Variants in HOMER2 observed in about 807,000 individuals in gnomAD.
The protein encoded by HOMER2 is homer scaffold protein 2, also known as homer protein homolog 2.
Under a neutral mutation model 47.0 loss-of-function variants are expected in HOMER2, and 27 were observed. The observed-to-expected ratio is 0.57, with a 90% confidence interval of 0.42 to 0.79. HOMER2 has a LOEUF of 0.79. Ranked by LOEUF, HOMER2 falls within the 30% of genes least tolerant of loss-of-function variation. The pLI is 0.00. For synonymous variants in HOMER2, 161 were observed against 163.8 expected, an observed-to-expected ratio of 0.98 and a Z score of 0.13; for missense variants, 443 against 435.0, an observed-to-expected ratio of 1.02 and a Z score of -0.16.
chr15:82,898,355 A>G (rs1254245224), intron 1 of HOMER2: 1 of 152,046 alleles, frequency 6.6e-6, no homozygotes, highest in Admixed American at 6.5e-5. Context: ...CAGCAGGGAA[A>G]AGCTGAAGAG....
At chr15:82,917,043 G>A (rs902295583) in intron 1 of HOMER2, among the ~76,000 whole-genome samples, 1 of 151,966 alleles carries the variant, frequency 6.6e-6, no homozygotes, top group South Asian at 2.1e-4. Context: ...CTTGTGATTC[G>A]CCTGCCTCGG....
At chr15:82,880,253 C>T (rs924936534) in intron 2 of HOMER2, among the ~76,000 whole-genome samples, 1 of 152,174 alleles carries the variant, frequency 6.6e-6, no homozygotes, top group Non-Finnish European at 1.5e-5. Flanking sequence ...AGAGACTGTA[C>T]AACCTGAATA....
chr15:82,851,006 G>A (rs1023419659), intron 8 of HOMER2, 145 bp downstream of exon 8: 14 of 649,928 alleles, frequency 2.2e-5, no homozygotes, highest in Middle Eastern at 4.1e-4. Flanking sequence ...GCCATCTGGC[G>A]TGCAGTCACT....
chr15:82,850,853 GC>G (rs750909573), intron 8 of HOMER2, among the ~76,000 whole-genome samples: 10 of 152,028 alleles, frequency 6.6e-5, no homozygotes, highest in Non-Finnish European at 1.3e-4. Context: ...CTCTCAGGCC[GC>G]CCCCCCGCTC....
At chr15:82,855,112 G>A (rs1022026086) in intron 5 of HOMER2, among the ~76,000 whole-genome samples, 1 of 151,938 alleles carries the variant, frequency 6.6e-6, no homozygotes, top group Non-Finnish European at 1.5e-5. Flanking sequence ...CGAGGCGGGC[G>A]GATCACTAGG....
intron 1 of HOMER2, among the ~76,000 whole-genome samples, chr15:82,959,947 A>C (rs1439199959): frequency 6.6e-6 from 1 of 152,220 alleles, no homozygotes; most frequent in Non-Finnish European, 1.5e-5. Context: ...TTAATTCTGA[A>C]GTCGCCTAAC....
At chr15:82,876,764 CAAAA>C (rs1008226045) in intron 2 of HOMER2, among the ~76,000 whole-genome samples, 6 of 152,066 alleles carry the variant, frequency 3.9e-5, no homozygotes, top group Non-Finnish European at 5.9e-5. Flanking sequence ...ACAGAGAAGA[CAAAA>C]AAAGTTTGAA....
chr15:82,940,046 A>G (rs950383944), intron 1 of HOMER2, among the ~76,000 whole-genome samples: 6 of 152,162 alleles, frequency 3.9e-5, no homozygotes, highest in African/African-American at 1.4e-4. Context: ...GGTGGGGAAC[A>G]TCACACACCG....
At chr15:82,839,887 C>G (rs1349592341) in exon 2 of HOMER2, 1 of 152,080 alleles carries the variant, frequency 6.6e-6, no homozygotes, top group Admixed American at 6.5e-5. Flanking sequence ...AATCAGGTCT[C>G]AAGAAAACAT....
chr15:82,894,151 T>C (rs193165823), intron 1 of HOMER2, among the ~76,000 whole-genome samples: 1 of 152,340 alleles, frequency 6.6e-6, no homozygotes, highest in East Asian at 1.9e-4. Context: ...TTTTATGCGA[T>C]TCACCAAATT....
intron 1 of HOMER2, among the ~76,000 whole-genome samples, chr15:82,945,153 T>C (rs1339945401): frequency 3.3e-5 from 5 of 151,538 alleles, no homozygotes; most frequent in African/African-American, 1.2e-4. Context: ...TGGTCTCCTC[T>C]ACCATTTCTT....
At chr15:82,895,160 T>C (rs977971962) in intron 1 of HOMER2, among the ~76,000 whole-genome samples, 12 of 152,206 alleles carry the variant, frequency 7.9e-5, no homozygotes, top group African/African-American at 2.2e-4. Context: ...GCTAGCAGCA[T>C]TCCTTGCTCC....
intron 1 of HOMER2, among the ~76,000 whole-genome samples, chr15:82,912,406 T>C (rs1476087505): frequency 6.6e-6 from 1 of 152,256 alleles, no homozygotes; most frequent in Non-Finnish European, 1.5e-5. Flanking sequence ...TCCATGTCAA[T>C]ATATATCAGT....
intron 1 of HOMER2, among the ~76,000 whole-genome samples, chr15:82,935,055 T>C (rs1465693367): frequency 6.6e-6 from 1 of 152,036 alleles, no homozygotes; most frequent in East Asian, 1.9e-4. Context: ...GCCTCTCATC[T>C]TCTCAAGGCC....
At chr15:82,864,880 AATTC>A (rs1193983157) in intron 3 of HOMER2, among the ~76,000 whole-genome samples, 3 of 152,242 alleles carry the variant, frequency 2.0e-5, no homozygotes, top group Non-Finnish European at 4.4e-5. Flanking sequence ...TTAATTAGCA[AATTC>A]ATTGTTTGAA....
downstream of HOMER2, among the ~76,000 whole-genome samples, chr15:82,847,761 C>G (rs899407063): frequency 2.0e-5 from 3 of 152,214 alleles, no homozygotes; most frequent in Non-Finnish European, 4.4e-5. Flanking sequence ...GTGTCCACTG[C>G]TCCCAGGCAG....
At chr15:82,850,319 G>C (rs763257627) in intron 8 of HOMER2, among the ~76,000 whole-genome samples, 4 of 152,224 alleles carry the variant, frequency 2.6e-5, no homozygotes, top group Non-Finnish European at 5.9e-5. Context: ...TCGTTCCCCT[G>C]GTCCCACAGA....
chr15:82,952,686 C>G lies in HOMER2; in HGVS notation c.-151G>C. 1.0e-6 allele frequency: 1 copy of G among 987,600 alleles called. No individual in the cohort carries two copies. The highest frequency in any genetic ancestry group is 1.8e-5 in the African/African-American group (1 of 57,000). 61.2% of individuals were successfully genotyped at this position (987,600 alleles called of 1,614,324 possible). ...TCCATTCCGCGGGGCTGCGCGGCTGCCACTGCTGCCACTGCCGCCACCGCC... is the reference window on the plus strand; with the variant it reads ...TCCATTCCGCGGGGCTGCGCGGCTGGCACTGCTGCCACTGCCGCCACCGCC... On this transcript the variant is annotated 5_prime_UTR_variant, in exon 1 of 9. Coordinates refer to ENST00000450735, the MANE Select transcript of HOMER2 (RefSeq NM_004839.4).
At chr15:82,897,712 G>C (rs2052979044) in intron 1 of HOMER2, among the ~76,000 whole-genome samples, 1 of 152,214 alleles carries the variant, frequency 6.6e-6, no homozygotes, top group African/African-American at 2.4e-5. Flanking sequence ...ACAAGGAAAT[G>C]AGGAAAGACT....
Sources: allele counts gnomAD v4.1 joint callset (sites outside exome capture counted in the v4.1 genomes callset), GRCh38; gene constraint gnomAD v4.1.1; transcripts MANE v1.5; gene names NCBI Gene and HGNC (gene_info 2026-07-23, HGNC 2026-07-21).